SLC49A4: variants seen among roughly 807,000 people sequenced by gnomAD.
SLC49A4 encodes solute carrier family 49 member 4, also known as disrupted in renal cancer protein 2.
Under a neutral mutation model 50.6 loss-of-function variants are expected in SLC49A4, and 36 were observed. That is an observed-to-expected ratio of 0.71 (90% CI 0.55 to 0.94). The LOEUF (loss-of-function observed/expected upper bound fraction) is 0.94. SLC49A4 is among the 40% of genes least tolerant of loss of function. The probability of loss-of-function intolerance (pLI) is 0.00; values close to 1 mark genes in which losing one functional copy is unlikely to be tolerated. For missense variants in SLC49A4, 503 were observed against 605.7 expected, an observed-to-expected ratio of 0.83 and a Z score of 1.78; for synonymous variants, 248 against 241.2, an observed-to-expected ratio of 1.03 and a Z score of -0.26.
At position 122,826,860 on chromosome 3, in the gene SLC49A4, A is replaced by G; in HGVS notation, c.498A>G (p.Ala166=). 1 of 1,614,148 alleles carries G rather than the reference A, an allele frequency of 6.2e-7. No homozygotes were observed. The part of the protein sequence containing the change: ...GLAGPTVMNA[A]PFLSTTWFSA... ...CAGGTCCAACTGTAATGAATGCAGC[A>G]CCATTTCTCTCTACGACGTGGTTTT... The change falls in exon 3 of 9, where the codon GCA becomes GCG. Residue 166 remains alanine (A), a synonymous_variant. Coordinates refer to ENST00000261038, the MANE Select transcript of SLC49A4 (RefSeq NM_032839.3).
Position 122,865,187 on chromosome 3 carries a change from A to G in SLC49A4, c.1138+4985A>G, listed in dbSNP as rs554096645. Among the ~76,000 whole-genome samples the G allele has an allele frequency of 3.9e-5, 6 of 152,354 alleles. No individual in the cohort carries two copies. In the East Asian group the frequency reaches 9.6e-4, roughly 24 times the overall value. ...AGGAAGAAAAAGTAGAATATGGATT[A>G]AAAGAAGAGAATGGATTTGTGAAAA... On this transcript the variant is annotated intron_variant, in intron 7 of 8. Transcript: ENST00000261038.
At chr3:122,833,275 T>C (rs1254091714) in intron 3 of SLC49A4, 42 bp from the exon 4 acceptor site, 4 of 1,591,132 alleles carry the variant, frequency 2.5e-6, no homozygotes, top group Non-Finnish European at 3.4e-6. Flanking sequence ...CTTCAACTTT[T>C]TGTGTTTCCT....
At chr3:122,847,998 T>A (rs574699396) in intron 5 of SLC49A4, among the ~76,000 whole-genome samples, 2 of 152,344 alleles carry the variant, frequency 1.3e-5, no homozygotes, top group Admixed American at 6.5e-5. Context: ...ACTTCCTTAG[T>A]TGCAGTAGCA....
In SLC49A4 at chr3:122,876,144, G is replaced by A. The variant is rs180944114; in HGVS notation, c.1322-3119G>A. Among the ~76,000 whole-genome samples the A allele has an allele frequency of 3.3e-5, 5 of 152,332 alleles. No homozygotes were observed. The East Asian group carries it at 7.7e-4, about 23-fold the overall frequency. On this transcript the variant is annotated intron_variant, in intron 8 of 8. Transcript: ENST00000261038. ...TTTGTTTTGAGAATCCCATTGAGTT[G>A]ACATAGCACAGTGATGCTTTATTCT... is the stretch of plus-strand genomic sequence containing the variant.
intron 8 of SLC49A4, among the ~76,000 whole-genome samples, chr3:122,877,288 C>T (rs1200480783): frequency 6.6e-6 from 1 of 152,124 alleles, no homozygotes; most frequent in East Asian, 1.9e-4. Context: ...CAAATAATTT[C>T]GAAGAACACT....
At position 122,825,097 on chromosome 3, in the gene SLC49A4, C is replaced by T. The variant is rs77128785; in HGVS notation, c.438-1703C>T. ...TTTTGATTTATTTCTTCCATGTTCTCCTTCTACCCTTAACATTTTTAGACA... is the reference window on the plus strand; with the variant it reads ...TTTTGATTTATTTCTTCCATGTTCTTCTTCTACCCTTAACATTTTTAGACA... On this transcript the variant is annotated intron_variant, in intron 2 of 8. Transcript: ENST00000261038. 5.9e-5 allele frequency among the ~76,000 whole-genome samples: 9 copies of T among 152,140 alleles called. No homozygotes were observed. The South Asian group carries it at 1.7e-3, about 28-fold the overall frequency.
chr3:122,800,790 T>TC (rs143252228), intron 1 of SLC49A4, among the ~76,000 whole-genome samples: 6,390 of 152,212 alleles, frequency 0.042, 443 homozygotes, highest in African/African-American at 0.14. Context: ...TTTGCTTTTT[T>TC]CCCCTCAGAA....
chr3:122,834,787 TAAAC>T (rs1472609554), intron 4 of SLC49A4, among the ~76,000 whole-genome samples: 2 of 151,966 alleles, frequency 1.3e-5, no homozygotes, highest in Non-Finnish European at 2.9e-5. Flanking sequence ...TTTGAAAAGA[TAAAC>T]AAAATTGATA....
intron 1 of SLC49A4, among the ~76,000 whole-genome samples, chr3:122,801,123 G>A (rs1253676775): frequency 2.6e-5 from 4 of 152,216 alleles, no homozygotes; most frequent in East Asian, 3.8e-4. Context: ...AGAGTAGAGG[G>A]TTAGGTAGAG....
At chr3:122,833,138 G>T (rs1433896908) in intron 3 of SLC49A4, among the ~76,000 whole-genome samples, 179 bp from the exon 4 acceptor site, 2 of 152,176 alleles carry the variant, frequency 1.3e-5, no homozygotes, top group Non-Finnish European at 2.9e-5. Context: ...CTACTTGGGA[G>T]GCTGAGGCAG....
intron 2 of SLC49A4, among the ~76,000 whole-genome samples, chr3:122,818,577 T>C (rs958133982): frequency 1.3e-5 from 2 of 152,184 alleles, no homozygotes; most frequent in Non-Finnish European, 2.9e-5. Context: ...GGTAGACATC[T>C]TTCAGACCAG....
chr3:122,880,113 G>A lies in SLC49A4; in HGVS notation c.*735G>A, dbSNP rs1487771273. 6.6e-6 allele frequency: 1 copy of A among 152,182 alleles called. No individual in the cohort carries two copies. The highest frequency in any genetic ancestry group is 2.1e-4 in the South Asian group (1 of 4,832). 9.4% of individuals were successfully genotyped at this position (152,182 alleles called of 1,614,324 possible). On this transcript the variant is annotated 3_prime_UTR_variant, in exon 9 of 9. Transcript: ENST00000261038. ...GTTTAATATGATTACATTAAATATTGTATGAAAAAATGTAATTCCATTAGG... is the reference window on the plus strand; with the variant it reads ...GTTTAATATGATTACATTAAATATTATATGAAAAAATGTAATTCCATTAGG...
intron 5 of SLC49A4, among the ~76,000 whole-genome samples, chr3:122,854,116 T>C (rs1936956735): frequency 6.6e-6 from 1 of 152,186 alleles, no homozygotes; most frequent in African/African-American, 2.4e-5. Context: ...GGGAGCCTAG[T>C]GGGCGTTGGA....
At chr3:122,840,753 T>C (rs1272508859) in intron 4 of SLC49A4, among the ~76,000 whole-genome samples, 1 of 152,182 alleles carries the variant, frequency 6.6e-6, no homozygotes, top group Non-Finnish European at 1.5e-5. Context: ...ATCACTAAAT[T>C]TACCGTTGAA....
chr3:122,848,797 A>AT (rs1272298607), intron 5 of SLC49A4, among the ~76,000 whole-genome samples: 8 of 152,036 alleles, frequency 5.3e-5, no homozygotes, highest in Non-Finnish European at 1.2e-4. Context: ...TCAAACATTT[A>AT]TTTTTTCTTT....
At chr3:122,869,170 A>C (rs543110282) in intron 7 of SLC49A4, among the ~76,000 whole-genome samples, 1 of 152,326 alleles carries the variant, frequency 6.6e-6, no homozygotes, top group East Asian at 1.9e-4. Flanking sequence ...TAAAAAATTC[A>C]AATTCAAGTA....
At chr3:122,859,759 C>T (rs566665354) in intron 6 of SLC49A4, among the ~76,000 whole-genome samples, 161 of 152,192 alleles carry the variant, frequency 1.1e-3, no homozygotes, top group Non-Finnish European at 1.6e-3. Context: ...GGTGAGGCTG[C>T]AGTGAGCCGT....
intron 7 of SLC49A4, among the ~76,000 whole-genome samples, chr3:122,867,266 G>C (rs1396447843): frequency 6.6e-6 from 1 of 152,116 alleles, no homozygotes; most frequent in African/African-American, 2.4e-5. Context: ...TGGGAAATAG[G>C]CCTTTCATGT....
chr3:122,840,815 AAAAT>A (rs1366961762), intron 4 of SLC49A4, among the ~76,000 whole-genome samples: 1 of 152,214 alleles, frequency 6.6e-6, no homozygotes, highest in South Asian at 2.1e-4. Flanking sequence ...TCCTAAGTTA[AAAAT>A]AAATAATTAG....
Sources: gnomAD v4.1 joint callset for allele counts (sites outside exome capture counted in the v4.1 genomes callset) on GRCh38, gnomAD v4.1.1 for gene constraint, MANE v1.5 for transcripts, NCBI Gene and HGNC (gene_info 2026-07-23, HGNC 2026-07-21) for gene names.